SMARCC2: variants seen among roughly 807,000 people sequenced by gnomAD.
SMARCC2 encodes SWI/SNF related BAF chromatin remodeling complex subunit C2.
Under a neutral mutation model 151.3 loss-of-function variants are expected in SMARCC2, and 15 were observed. The observed-to-expected ratio is 0.10, with a 90% CI of 0.07 to 0.15. The LOEUF is 0.15. Ranked by LOEUF, SMARCC2 falls within the 10% of genes least tolerant of loss-of-function variation. SMARCC2 has a pLI of 1.00. For synonymous variants in SMARCC2, 590 were observed against 609.5 expected, an observed-to-expected ratio of 0.97 and a Z score of 0.47; for missense variants, 1,031 against 1,599.7, an observed-to-expected ratio of 0.64 and a Z score of 6.06.
At chr12:56,186,098 C>G in intron 3 of SMARCC2, 57 bp downstream of exon 3, 1 of 1,250,872 alleles carries the variant, frequency 8.0e-7, no homozygotes, top group East Asian at 2.3e-5. Context: ...CCCAGGGAAT[C>G]AAAAAGGGGG....
intron 18 of SMARCC2, 97 bp downstream of exon 18, chr12:56,172,840 G>C (rs1874211655): frequency 6.4e-7 from 1 of 1,558,768 alleles, no homozygotes; most frequent in Non-Finnish European, 8.8e-7. Flanking sequence ...CTCCCTTACT[G>C]CTGTAGTTCC....
chr12:56,174,890 T>A, intron 15 of SMARCC2, 126 bp from the exon 16 acceptor site: 1 of 653,610 alleles, frequency 1.5e-6, no homozygotes, highest in South Asian at 1.8e-5. Context: ...AGTAGATTAT[T>A]TGACTCTACA....
chr12:56,178,777 T>G (rs756800980), intron 13 of SMARCC2, 33 bp downstream of exon 13: 54 of 1,601,788 alleles, frequency 3.4e-5, no homozygotes, highest in Non-Finnish European at 4.4e-5. Flanking sequence ...CAGAATCACA[T>G]AGAGAGGTAG....
At position 56,184,193 on chromosome 12, in the gene SMARCC2, G is replaced by A. The variant is rs762880113; in HGVS notation, c.544C>T (p.Pro182Ser). The A allele has an allele frequency of 6.2e-7, 1 of 1,613,474 alleles. No individual in the cohort carries two copies. The highest frequency in any genetic ancestry group is 2.2e-5 in the East Asian group (1 of 44,884). ...NNASHVVYPV[P>S]GNLEEEEWVR... ...GTCTCACCTTCTTCTAGATTCCCCG[G>A]GACAGGATACACAACATGGGAGGCA... Residue 182 changes from proline to serine, a missense_variant, in exon 6 of 29, where the codon CCG becomes TCG. Coordinates refer to ENST00000550164, the MANE Select transcript of SMARCC2 (RefSeq NM_001330288.2).
chr12:56,167,485 G>A (rs1212012362), intron 26 of SMARCC2, among the ~76,000 whole-genome samples: 7 of 152,148 alleles, frequency 4.6e-5, no homozygotes, highest in Admixed American at 3.3e-4. Context: ...TTACAAATGT[G>A]GGCCACTGTG....
chr12:56,162,428 A>G lies in SMARCC2; in HGVS notation c.*1261T>C. ...AAAGAAAAAAAGAGAAAATTTACAG[A>G]AAACTTTGAACAGAAGAAAGGTGCT... is the stretch of plus-strand genomic sequence containing the variant. On this transcript the variant is annotated 3_prime_UTR_variant, in exon 29 of 29. Coordinates refer to ENST00000550164, the MANE Select transcript of SMARCC2 (RefSeq NM_001330288.2). 1.6e-6 allele frequency: 1 copy of G among 634,650 alleles called. No individual in the cohort carries two copies. Among genetic ancestry groups the G allele is most frequent in the East Asian group, 2.7e-5 (1 of 36,514 alleles). 39.3% of individuals were successfully genotyped at this position (634,650 alleles called of 1,614,324 possible). A position where few individuals can be genotyped will look rare whatever the true frequency, so the allele number is the denominator to read the frequency against.
chr12:56,165,258 G>T, intron 27 of SMARCC2, 60 bp downstream of exon 27: 2 of 1,449,510 alleles, frequency 1.4e-6, no homozygotes, highest in Non-Finnish European at 1.8e-6. Context: ...CCTTTGAGGA[G>T]AACTGGGACA....
At chr12:56,173,640 G>A in intron 17 of SMARCC2, 56 bp downstream of exon 17, 1 of 1,502,006 alleles carries the variant, frequency 6.7e-7, no homozygotes, top group Non-Finnish European at 9.0e-7. Flanking sequence ...AAAAAGAAAA[G>A]TTCAAAGAAG....
intron 16 of SMARCC2, 107 bp from the exon 17 acceptor site, chr12:56,173,956 C>G: frequency 9.7e-7 from 1 of 1,026,392 alleles, no homozygotes. Flanking sequence ...CCCACCCAAC[C>G]CCGGCCTTTT....
Position 56,178,027 on chromosome 12 carries a change from TG to T in SMARCC2, c.1376del (p.Pro459GlnfsTer11). On this transcript the variant is annotated frameshift_variant, in exon 15 of 29. Transcript: ENST00000550164. LOFTEE classifies it high-confidence loss of function. ...FFNGKNKSKTPEIYLAYRNFM... is the reference protein window; with the variant it reads ...FFNGKNKSKTXEIYLAYRNFM... Reference sequence around the variant, plus strand: ...ATGAGATGAGATTTCCTTACATCTCTGGAGTCTTGGACTTGTTCTTGCCGTT... The same window carrying T: ...ATGAGATGAGATTTCCTTACATCTCTGAGTCTTGGACTTGTTCTTGCCGTT... 1 of 1,607,222 alleles carries T rather than the reference TG, an allele frequency of 6.2e-7. No homozygotes were observed. Among genetic ancestry groups the T allele is most frequent in the Non-Finnish European group, 8.5e-7 (1 of 1,173,860 alleles).
intron 18 of SMARCC2, 75 bp downstream of exon 18, chr12:56,172,862 G>C: frequency 6.3e-7 from 1 of 1,577,618 alleles, no homozygotes; most frequent in African/African-American, 1.3e-5. Flanking sequence ...CTGCTCTCAT[G>C]TCTCTTCTTC....
At chr12:56,186,662 T>C (rs1877327228) in intron 2 of SMARCC2, 1 of 209,018 alleles carries the variant, frequency 4.8e-6, no homozygotes, top group Non-Finnish European at 9.8e-6. Flanking sequence ...AAAGCTGAAA[T>C]TCTTTAACCC....
intron 15 of SMARCC2, among the ~76,000 whole-genome samples, chr12:56,175,131 C>A (rs1295847689): frequency 6.6e-6 from 1 of 152,152 alleles, no homozygotes; most frequent in African/African-American, 2.4e-5. Context: ...CCTGCCTCAG[C>A]CTCCTCAGTA....
chr12:56,189,313 G>GC, intron 1 of SMARCC2, 38 bp downstream of exon 1: 1 of 1,338,950 alleles, frequency 7.5e-7, no homozygotes, highest in Non-Finnish European at 1.0e-6. Context: ...CCTTTGTCCC[G>GC]CCCCCGGTCC....
Position 56,163,663 on chromosome 12 carries a change from A to G in SMARCC2, c.*26T>C, listed in dbSNP as rs774317032. 2.2e-6 allele frequency: 3 copies of G among 1,393,578 alleles called. No individual in the cohort carries two copies. The highest frequency in any genetic ancestry group is 3.0e-5 in the African/African-American group (2 of 65,666). The allele number at this position is 1,393,578 out of a possible 1,614,324, so 86.3% of individuals were successfully genotyped here. On this transcript the variant is annotated 3_prime_UTR_variant, in exon 29 of 29. Transcript: ENST00000550164. ...GGAACCGTGATGTCCACAGGGGGTG[A>G]GGGGGAGAGATGTCTGGCTGGCTCC... is the stretch of plus-strand genomic sequence containing the variant.
Position 56,162,383 on chromosome 12 carries a change from TAAA to T in SMARCC2, c.*1303_*1305del. On this transcript the variant is annotated 3_prime_UTR_variant, in exon 29 of 29. Coordinates refer to ENST00000550164, the MANE Select transcript of SMARCC2 (RefSeq NM_001330288.2). ...ATGGAACTGAAAGCAAATTAATTTATAAAAAAAAAAAAAAGAAAGAAAGAAAAA... is the reference window on the plus strand; with the variant it reads ...ATGGAACTGAAAGCAAATTAATTTATAAAAAAAAAAAGAAAGAAAGAAAAA... 1.5e-5 allele frequency: 7 copies of T among 459,256 alleles called. No individual in the cohort carries two copies. The highest frequency in any genetic ancestry group is 4.2e-5 in the Admixed American group (1 of 23,796). The allele number at this position is 459,256 out of a possible 1,614,324, so 28.4% of individuals were successfully genotyped here.
chr12:56,186,257 C>T lies in SMARCC2; in HGVS notation c.232-17G>A, dbSNP rs765495990. On this transcript the variant is annotated splice_polypyrimidine_tract_variant and intron_variant, in intron 2 of 28. Transcript: ENST00000550164. ...ACATTTGATCTACAAAATCAAGATA[C>T]GGAAAAAGCATGTCAAGGTTCCACT... The T allele has an allele frequency of 1.3e-5, 20 of 1,522,760 alleles. No individual in the cohort carries two copies. The highest frequency in any genetic ancestry group is 3.3e-5 in the Admixed American group (2 of 59,776). 94.3% of individuals were successfully genotyped at this position (1,522,760 alleles called of 1,614,324 possible). A position where few individuals can be genotyped will look rare whatever the true frequency, so the allele number is the denominator to read the frequency against.
At chr12:56,168,218 C>T (rs1411357766) in intron 25 of SMARCC2, 24 bp from the exon 26 acceptor site, 1 of 1,613,644 alleles carries the variant, frequency 6.2e-7, no homozygotes, top group South Asian at 1.1e-5. Context: ...GGCGAGACAG[C>T]ACATCAGTGG....
chr12:56,171,470 A>G lies in SMARCC2; in HGVS notation c.2186-38T>C. 1 of 1,613,196 alleles carries G rather than the reference A, an allele frequency of 6.2e-7. No individual in the cohort carries two copies. Among genetic ancestry groups the G allele is most frequent in the Non-Finnish European group, 8.5e-7 (1 of 1,179,192 alleles). The stretch of plus-strand genomic sequence containing the variant: ...GAAAGAATGAGGCTGGGAGCGGCAC[A>G]GTGGAACAGTTCTGGCAATCCCTGC... On this transcript the variant is annotated intron_variant, in intron 21 of 28. Transcript: ENST00000550164. This position sits in a 1 kb window ranked among gnomAD's most constrained non-coding sequence, Gnocchi z 4.2.
Sources: gnomAD v4.1 joint callset for allele counts (sites outside exome capture counted in the v4.1 genomes callset) on GRCh38, gnomAD v4.1.1 for gene constraint, Gnocchi (gnomAD v3.1) non-coding constraint, MANE v1.5 for transcripts, NCBI Gene and HGNC (gene_info 2026-07-23, HGNC 2026-07-21) for gene names.